Variants in MGAM2 observed in about 807,000 individuals in gnomAD.
The protein encoded by MGAM2 is probable maltase-glucoamylase 2.
Under a neutral mutation model 96.1 loss-of-function variants are expected in MGAM2, and 98 were observed. The observed-to-expected ratio is 1.02, with a 90% CI of 0.87 to 1.21. The LOEUF (loss-of-function observed/expected upper bound fraction) is 1.21. Among genes scored for constraint, MGAM2 ranks in the 50% most tolerant of loss-of-function variants. MGAM2 has a pLI of 0.00. For missense variants in MGAM2, 2,055 were observed against 1,182.4 expected (o/e 1.74, Z -10.82); for synonymous variants, 749 against 414.8 (o/e 1.81, Z -9.79).
chr7:142,133,035 A>G (rs1206588793), intron 6 of MGAM2, among the ~76,000 whole-genome samples: 1 of 132,166 alleles, frequency 7.6e-6, no homozygotes, highest in Non-Finnish European at 1.5e-5. Flanking sequence ...TCATTTAATT[A>G]TATTTAGTTT....
intron 45 of MGAM2, 42 bp downstream of exon 45, chr7:142,200,010 A>G (rs1433854269): frequency 3.3e-6 from 2 of 614,800 alleles, no homozygotes; most frequent in African/African-American, 3.7e-5. Flanking sequence ...TCACTGAGAA[A>G]AATCATACCA....
chr7:142,189,278 A>G, intron 36 of MGAM2, 89 bp from the exon 37 acceptor site: 1 of 562,516 alleles, frequency 1.8e-6, no homozygotes, highest in Non-Finnish European at 3.2e-6. Context: ...AAAGTTGTTG[A>G]TTGAAGTAAA....
intron 20 of MGAM2, among the ~76,000 whole-genome samples, chr7:142,159,713 C>A (rs1481087703): frequency 6.6e-6 from 1 of 152,132 alleles, no homozygotes; most frequent in Non-Finnish European, 1.5e-5. Context: ...TACTATCACT[C>A]TGGGTATTAA....
chr7:142,140,446 G>A (rs921684051), intron 10 of MGAM2, among the ~76,000 whole-genome samples: 1 of 152,086 alleles, frequency 6.6e-6, no homozygotes, highest in Admixed American at 6.5e-5. Flanking sequence ...GTTAGTACAT[G>A]GTTATAACAT....
rs189172029 is a variant in MGAM2, at chr7:142,154,774, C to A, written c.1852C>A (p.Leu618Ile). Residue 618 changes from leucine to isoleucine, a missense_variant, in exon 17 of 48, where the codon CTC becomes ATC. Leu to Ile is a conservative substitution (Grantham distance 5, BLOSUM62 2). Coordinates refer to ENST00000477922, the MANE Select transcript of MGAM2 (RefSeq NM_001293626.2). ...TTATAACAACAATGTCACAGAGGAG[C>A]TCTGCAGAAGGTGGATGCAGCTTGG... is the stretch of plus-strand genomic sequence containing the variant. ...CGYNNNVTEE[L>I]CRRWMQLGAF... 5.0e-5 allele frequency: 35 copies of A among 703,476 alleles called. No individual in the cohort carries two copies. The East Asian group carries it at 8.3e-4, about 17-fold the overall frequency. The allele number at this position is 703,476 out of a possible 1,614,324, so 43.6% of individuals were successfully genotyped here.
chr7:142,147,819 T>C (rs1192563621), intron 15 of MGAM2, among the ~76,000 whole-genome samples: 1 of 152,198 alleles, frequency 6.6e-6, no homozygotes, highest in Non-Finnish European at 1.5e-5. Context: ...CAATACTATG[T>C]AAGGCATTTA....
rs902229419 is a variant in MGAM2 at position 142,171,377 on chromosome 7, G to T, written c.3288G>T (p.Thr1096=). The T allele has an allele frequency of 1.4e-6, 1 of 703,132 alleles. No individual in the cohort carries two copies. Among genetic ancestry groups the T allele is most frequent in the South Asian group, 1.5e-5 (1 of 67,578 alleles). The allele number at this position is 703,132 out of a possible 1,614,324, so 43.6% of individuals were successfully genotyped here. Residue 1096 remains threonine, a synonymous_variant, in exon 28 of 48, where the codon ACG becomes ACT. Transcript: ENST00000477922. ...ATGGCTTTGGGGAAACTGAGCACAC[G>T]ACTTTCAGAAGAAACATGAACTGGA... ...YIYGFGETEH[T]TFRRNMNWNT...
At chr7:142,172,912 A>T (rs900963067) in intron 30 of MGAM2, 148 bp downstream of exon 30, 3 of 565,444 alleles carry the variant, frequency 5.3e-6, no homozygotes, top group Non-Finnish European at 9.4e-6. Context: ...ATATTTTAGT[A>T]TTATGGTTCT....
chr7:142,138,551 C>T lies in MGAM2; in HGVS notation c.970C>T (p.Arg324Trp), dbSNP rs548068484. The T allele has an allele frequency of 6.0e-5, 42 of 702,968 alleles. 1 individual carries two copies. Among genetic ancestry groups the T allele is most frequent in the Middle Eastern group, 2.3e-4 (1 of 4,372 alleles). The allele number at this position is 702,968 out of a possible 1,614,324, so 43.5% of individuals were successfully genotyped here. A position where few individuals can be genotyped will look rare whatever the true frequency, so the allele number is the denominator to read the frequency against. Residue 324 changes from arginine (R) to tryptophan (W), a missense_variant, in exon 10 of 48, where the codon CGG (arginine) becomes TGG (tryptophan). Coordinates refer to ENST00000477922, the MANE Select transcript of MGAM2 (RefSeq NM_001293626.2). ...VVQEYLELVG[R>W]PFFPPYWSLG... ...TTACTTATCTTTTCAGCTTGTTGGA[C>T]GGCCATTCTTCCCTCCCTATTGGAG...
intron 45 of MGAM2, chr7:142,208,341 C>A (rs539779361): frequency 1.6e-6 from 1 of 635,148 alleles, no homozygotes; most frequent in Non-Finnish European, 2.9e-6. Context: ...GATTCTCTTG[C>A]ATTTGTAACC....
intron 3 of MGAM2, among the ~76,000 whole-genome samples, chr7:142,124,886 G>T (rs1794692620): frequency 6.6e-6 from 1 of 151,822 alleles, no homozygotes; most frequent in South Asian, 2.1e-4. Flanking sequence ...TTTGAATACT[G>T]ATCTTGTAAC....
intron 31 of MGAM2, among the ~76,000 whole-genome samples, chr7:142,175,152 T>C (rs556235339): frequency 6.6e-6 from 1 of 152,320 alleles, no homozygotes; most frequent in East Asian, 1.9e-4. Context: ...GCTCATTCAG[T>C]ATGATATTGG....
Position 142,117,033 on chromosome 7 carries a change from C to T in MGAM2, c.106+54C>T, listed in dbSNP as rs114664815. ...CTGGGTAAAGGAAGTCTCCTGTAAA[C>T]GCCAAAGAGATTATTTTATTCTTTT... On this transcript the variant is annotated intron_variant, in intron 2 of 47. Coordinates refer to ENST00000477922, the MANE Select transcript of MGAM2 (RefSeq NM_001293626.2). 7.1e-3 allele frequency: 4,961 copies of T among 701,418 alleles called. 169 individuals carry two copies. The African/African-American group carries it at 0.075, about 11-fold the overall frequency. The allele number at this position is 701,418 out of a possible 1,614,324, so 43.4% of individuals were successfully genotyped here.
At chr7:142,155,902 T>C (rs887426429) in intron 17 of MGAM2, among the ~76,000 whole-genome samples, 2 of 152,174 alleles carry the variant, frequency 1.3e-5, no homozygotes, top group Non-Finnish European at 2.9e-5. Context: ...TCCCAGCACT[T>C]TGGGAGGCCA....
At chr7:142,113,119 G>A (rs79182464) in intron 1 of MGAM2, among the ~76,000 whole-genome samples, 2,781 of 152,214 alleles carry the variant, frequency 0.018, 91 homozygotes, top group African/African-American at 0.063. Flanking sequence ...AGAAATGGTC[G>A]TGGCATTGGG....
chr7:142,186,351 A>G (rs1389586422), intron 35 of MGAM2, among the ~76,000 whole-genome samples: 1 of 152,148 alleles, frequency 6.6e-6, no homozygotes, highest in Non-Finnish European at 1.5e-5. Flanking sequence ...GGAGACTGCT[A>G]CTGCTGGAGA....
In MGAM2 at chr7:142,136,614, T is replaced by C; in HGVS notation, c.821T>C (p.Val274Ala). Residue 274 changes from valine to alanine, a missense_variant, in exon 8 of 48, where the codon GTA becomes GCA. Physicochemically the swap from Val to Ala is moderately conservative, Grantham distance 64 (BLOSUM62 0). Transcript: ENST00000477922. ...GATGCCAGGGGCTCCTCTTTTGGAG[T>C]ATTTCTGATGAACAGTAATGCCATG... ...LEDARGSSFG[V>A]FLMNSNAMEV... The C allele has an allele frequency of 1.4e-6, 1 of 702,556 alleles. No individual in the cohort carries two copies. Among genetic ancestry groups the C allele is most frequent in the Non-Finnish European group, 2.6e-6 (1 of 384,438 alleles). The allele number at this position is 702,556 out of a possible 1,614,324, so 43.5% of individuals were successfully genotyped here. A position where few individuals can be genotyped will look rare whatever the true frequency, so the allele number is the denominator to read the frequency against.
At position 142,171,411 on chromosome 7, in the gene MGAM2, G is replaced by A. The variant is rs1796180811; in HGVS notation, c.3322G>A (p.Gly1108Arg). The change falls in exon 28 of 48, where the codon GGA becomes AGA. Residue 1108 changes from glycine (G) to arginine (R), a missense_variant. Physicochemically the swap from Gly to Arg is moderately radical, Grantham distance 125 (BLOSUM62 -2). Coordinates refer to ENST00000477922, the MANE Select transcript of MGAM2 (RefSeq NM_001293626.2). ...FRRNMNWNTW[G>R]MFAHDEPPAY... ...AAGAAACATGAACTGGAACACATGGGGAATGTTTGCTCATGATGAGCCACC... is the reference window on the plus strand; with the variant it reads ...AAGAAACATGAACTGGAACACATGGAGAATGTTTGCTCATGATGAGCCACC... 1.4e-6 allele frequency: 1 copy of A among 703,042 alleles called. No homozygotes were observed. The highest frequency in any genetic ancestry group is 2.6e-6 in the Non-Finnish European group (1 of 384,902). 43.6% of individuals were successfully genotyped at this position (703,042 alleles called of 1,614,324 possible).
At chr7:142,149,792 T>C (rs560536346) in intron 15 of MGAM2, among the ~76,000 whole-genome samples, 49 of 152,086 alleles carry the variant, frequency 3.2e-4, no homozygotes, top group East Asian at 2.7e-3. Flanking sequence ...TCACCCGCCT[T>C]GGCCTCCCAA....
Sources: allele counts gnomAD v4.1 joint callset (sites outside exome capture counted in the v4.1 genomes callset), GRCh38; gene constraint gnomAD v4.1.1; transcripts MANE v1.5; gene names NCBI Gene and HGNC (gene_info 2026-07-23, HGNC 2026-07-21).